The following TSPAN13 variants were observed in gnomAD, a reference collection of about 807,000 sequenced individuals.
TSPAN13 encodes tetraspanin 13.
In TSPAN13, 18 loss-of-function variants were observed where a neutral mutation model predicts 26.9. That is an observed-to-expected ratio of 0.67 (90% CI 0.46 to 0.99). TSPAN13 has a LOEUF of 0.99. TSPAN13 is among the 50% of genes least tolerant of loss of function. TSPAN13 has a pLI of 0.00. For missense variants in TSPAN13, 201 were observed against 249.6 expected (o/e 0.81, Z 1.31); for synonymous variants, 116 against 98.4 (o/e 1.18, Z -1.06).
At chr7:16,762,867 G>A (rs559801858) in intron 1 of TSPAN13, among the ~76,000 whole-genome samples, 85 of 152,160 alleles carry the variant, frequency 5.6e-4, no homozygotes, top group African/African-American at 1.8e-3. Context: ...TTGTCTTTTG[G>A]GGGGAAACAG....
At chr7:16,772,073 T>C (rs578193084) in intron 1 of TSPAN13, among the ~76,000 whole-genome samples, 1 of 152,328 alleles carries the variant, frequency 6.6e-6, no homozygotes, top group African/African-American at 2.4e-5. Context: ...TCTTTACATT[T>C]ACATTAATAG....
chr7:16,770,870 A>G (rs1480878689), intron 1 of TSPAN13, among the ~76,000 whole-genome samples: 1 of 152,234 alleles, frequency 6.6e-6, no homozygotes, highest in Non-Finnish European at 1.5e-5. Flanking sequence ...GACTGCAAGC[A>G]TGGGCATGAT....
chr7:16,782,408 T>A (rs1784822975), intron 5 of TSPAN13, among the ~76,000 whole-genome samples: 1 of 152,158 alleles, frequency 6.6e-6, no homozygotes, highest in African/African-American at 2.4e-5. Context: ...TAAACAAAAT[T>A]TAGGTTAAAA....
chr7:16,768,022 C>T (rs1784627086), intron 1 of TSPAN13, among the ~76,000 whole-genome samples: 1 of 152,180 alleles, frequency 6.6e-6, no homozygotes. Flanking sequence ...AAGCGATTCT[C>T]CTGCCTCAGC....
chr7:16,776,748 A>G (rs1784754209), intron 2 of TSPAN13, among the ~76,000 whole-genome samples: 1 of 152,062 alleles, frequency 6.6e-6, no homozygotes, highest in Non-Finnish European at 1.5e-5. Context: ...ACATGTATTT[A>G]TCTATACCTA....
chr7:16,777,144 C>A (rs568792538), intron 3 of TSPAN13, 22 bp downstream of exon 3: 23 of 1,554,324 alleles, frequency 1.5e-5, no homozygotes, highest in Non-Finnish European at 2.0e-5. Flanking sequence ...CTTTTTTCTT[C>A]TACTTTATTA....
chr7:16,777,023 C>A lies in TSPAN13; in HGVS notation c.232-19C>A. 6.6e-7 allele frequency: 1 copy of A among 1,523,528 alleles called. No homozygotes were observed. The highest frequency in any genetic ancestry group is 9.1e-7 in the Non-Finnish European group (1 of 1,099,754). 94.4% of individuals were successfully genotyped at this position (1,523,528 alleles called of 1,614,324 possible). A position where few individuals can be genotyped will look rare whatever the true frequency, so the allele number is the denominator to read the frequency against. On this transcript the variant is annotated intron_variant, in intron 2 of 5. Coordinates refer to ENST00000262067, the MANE Select transcript of TSPAN13 (RefSeq NM_014399.4). ...CATTCTAAGAATATTTAGAAGTATC[C>A]TTAACTTCTAACTCTCAGTATATGA...
intron 5 of TSPAN13, 96 bp from the exon 6 acceptor site, chr7:16,783,321 T>C: frequency 8.2e-7 from 1 of 1,226,488 alleles, no homozygotes; most frequent in Non-Finnish European, 1.2e-6. Context: ...TGCAAAGCGA[T>C]TGAGAGGGTC....
chr7:16,757,852 A>G (rs986720833), intron 1 of TSPAN13, among the ~76,000 whole-genome samples: 1 of 151,908 alleles, frequency 6.6e-6, no homozygotes, highest in Non-Finnish European at 1.5e-5. Flanking sequence ...TGTATTTTTG[A>G]GATGGAGTTT....
chr7:16,756,274 A>G (rs138375499), intron 1 of TSPAN13, among the ~76,000 whole-genome samples: 87 of 152,356 alleles, frequency 5.7e-4, no homozygotes, highest in African/African-American at 1.5e-3. Context: ...ACATTTCTCT[A>G]TAAGTCATGA....
At chr7:16,781,047 T>C (rs1784808435) in intron 5 of TSPAN13, among the ~76,000 whole-genome samples, 2 of 152,184 alleles carry the variant, frequency 1.3e-5, no homozygotes, top group African/African-American at 4.8e-5. Flanking sequence ...CTTCTTCTCA[T>C]AGGTGAAATA....
In TSPAN13 at chr7:16,776,150, T is replaced by C; in HGVS notation, c.64-61T>C. The C allele has an allele frequency of 1.9e-6, 3 of 1,542,486 alleles. 1 individual carries two copies. The South Asian group carries it at 3.6e-5, about 18-fold the overall frequency. On this transcript the variant is annotated intron_variant, in intron 1 of 5. Coordinates refer to ENST00000262067, the MANE Select transcript of TSPAN13 (RefSeq NM_014399.4). ...ATTGTTGATATTTAATTAACTGGCA[T>C]TTTCCCCATTCTCTCTCCTCTCTCT...
At chr7:16,782,522 A>C (rs960342476) in intron 5 of TSPAN13, among the ~76,000 whole-genome samples, 37 of 152,190 alleles carry the variant, frequency 2.4e-4, no homozygotes, top group African/African-American at 7.0e-4. Flanking sequence ...CATTTATTTA[A>C]AATAAACCAA....
intron 1 of TSPAN13, among the ~76,000 whole-genome samples, chr7:16,763,971 C>T (rs1224051709): frequency 6.6e-6 from 1 of 152,144 alleles, no homozygotes; most frequent in African/African-American, 2.4e-5. Flanking sequence ...TCAACACCCG[C>T]TTATGCTAGA....
At chr7:16,770,867 A>C (rs1248132952) in intron 1 of TSPAN13, among the ~76,000 whole-genome samples, 1 of 152,228 alleles carries the variant, frequency 6.6e-6, no homozygotes, top group Non-Finnish European at 1.5e-5. Flanking sequence ...TTAGACTGCA[A>C]GCATGGGCAT....
intron 1 of TSPAN13, among the ~76,000 whole-genome samples, chr7:16,768,031 G>A (rs1474894990): frequency 1.3e-5 from 2 of 152,156 alleles, no homozygotes; most frequent in Non-Finnish European, 2.9e-5. Flanking sequence ...TCCTGCCTCA[G>A]CCTCCCGAGT....
At chr7:16,763,680 T>C (rs1784573492) in intron 1 of TSPAN13, among the ~76,000 whole-genome samples, 1 of 152,262 alleles carries the variant, frequency 6.6e-6, no homozygotes, top group East Asian at 1.9e-4. Context: ...CCCTGTTGGC[T>C]TATGGACCTA....
intron 4 of TSPAN13, among the ~76,000 whole-genome samples, chr7:16,778,315 G>T (rs1002034543): frequency 3.9e-5 from 6 of 152,206 alleles, no homozygotes; most frequent in African/African-American, 1.4e-4. Context: ...CTTGTAGGGG[G>T]TCTGTGTTAT....
intron 5 of TSPAN13, among the ~76,000 whole-genome samples, chr7:16,782,314 T>A (rs919473744): frequency 1.3e-5 from 2 of 152,118 alleles, no homozygotes; most frequent in Non-Finnish European, 2.9e-5. Context: ...TGTGGATTCT[T>A]ATTGTGGTCA....
Sources: allele counts gnomAD v4.1 joint callset (sites outside exome capture counted in the v4.1 genomes callset), GRCh38; gene constraint gnomAD v4.1.1; transcripts MANE v1.5; gene names NCBI Gene and HGNC (gene_info 2026-07-23, HGNC 2026-07-21).